TSPEAR: variants seen among roughly 807,000 people sequenced by gnomAD.
TSPEAR encodes the protein thrombospondin type laminin G domain and EAR repeats.
In TSPEAR, 69 loss-of-function variants were observed where a neutral mutation model predicts 71.6. The observed-to-expected ratio is 0.96, with a 90% CI of 0.79 to 1.18. The LOEUF is 1.18. TSPEAR is among the 50% of genes most tolerant of loss of function. The pLI is 0.00. For missense variants in TSPEAR, 971 were observed against 894.9 expected (o/e 1.09, Z -1.09); for synonymous variants, 402 against 387.2 (o/e 1.04, Z -0.45).
intron 1 of TSPEAR, among the ~76,000 whole-genome samples, chr21:44,578,683 G>T (rs1555924288): frequency 6.6e-6 from 1 of 152,158 alleles, no homozygotes; most frequent in South Asian, 2.1e-4. Context: ...TGCAGGGAGG[G>T]TAACTGAAAA....
Position 44,528,488 on chromosome 21 carries a change from G to C in TSPEAR, c.886C>G (p.Leu296Val). The C allele has an allele frequency of 1.2e-6, 2 of 1,614,090 alleles. No individual in the cohort carries two copies. Among genetic ancestry groups the C allele is most frequent in the Non-Finnish European group, 8.5e-7 (1 of 1,180,010 alleles). Residue 296 changes from leucine (L) to valine (V), a missense_variant, in exon 6 of 12, where the codon CTG (leucine) becomes GTG (valine). Transcript: ENST00000323084. The stretch of plus-strand genomic sequence containing the variant: ...GAGACCCACTCGTTGCCAACACACA[G>C]ATACAGGCCCTTCCGGCTGGCATCA... Reference protein sequence around the residue: ...WFDASRKGLYLCVGNEWVSVL... With the variant: ...WFDASRKGLYVCVGNEWVSVL...
chr21:44,624,646 A>G (rs587646591), intron 1 of TSPEAR, among the ~76,000 whole-genome samples: 45 of 152,160 alleles, frequency 3.0e-4, no homozygotes, highest in Admixed American at 8.5e-4. Context: ...GTAATCCTTC[A>G]CTTATATTCA....
Position 44,642,105 on chromosome 21 carries a change from G to A in TSPEAR, c.82+69328C>T, listed in dbSNP as rs1318484882. ...TTTCCTGTTTCAGTATAAGAAAATA[G>A]TATGGGTATATTTATCCTAAAATTT... On this transcript the variant is annotated intron_variant, in intron 1 of 11. Coordinates refer to ENST00000323084, the MANE Select transcript of TSPEAR (RefSeq NM_144991.3). This position sits in a 1 kb window ranked among gnomAD's most constrained non-coding sequence, Gnocchi z 4.1. Among the ~76,000 whole-genome samples, 5 of 152,178 alleles carry A rather than the reference G, an allele frequency of 3.3e-5. No homozygotes were observed. The highest frequency in any genetic ancestry group is 7.3e-5 in the Non-Finnish European group (5 of 68,028).
At chr21:44,600,555 C>T (rs1477453183) in intron 1 of TSPEAR, 1 of 1,541,082 alleles carries the variant, frequency 6.5e-7, no homozygotes, top group Non-Finnish European at 8.8e-7. Flanking sequence ...GCACCTAACA[C>T]ACGGACTCAC....
intron 9 of TSPEAR, among the ~76,000 whole-genome samples, chr21:44,513,415 GGA>G (rs1237834192): frequency 6.6e-6 from 1 of 152,164 alleles, no homozygotes; most frequent in Admixed American, 6.5e-5. Context: ...GACTCATAGA[GGA>G]GAGAGAAAGA....
At chr21:44,533,362 C>T (rs890406815) in intron 3 of TSPEAR, among the ~76,000 whole-genome samples, 5 of 152,220 alleles carry the variant, frequency 3.3e-5, no homozygotes, top group Admixed American at 6.5e-5. Flanking sequence ...TGGTCAGCCC[C>T]TGCCTCATGA....
chr21:44,510,759 T>C (rs587661692), intron 9 of TSPEAR: 1 of 152,348 alleles, frequency 6.6e-6, no homozygotes, highest in African/African-American at 2.4e-5. Context: ...CCAGGCAAGG[T>C]CCCAAAGCAG....
rs918226611 is a variant in TSPEAR, at chr21:44,669,221, G to A, written c.82+42212C>T. 3.3e-5 allele frequency among the ~76,000 whole-genome samples: 5 copies of A among 152,108 alleles called. No homozygotes were observed. The East Asian group carries it at 7.7e-4, about 23-fold the overall frequency. Reference sequence around the variant, plus strand: ...GGCTGGATCATGAGGTCAAGAGATCGAGACCATCCTGGCTAACATGGTGCA... The same window carrying A: ...GGCTGGATCATGAGGTCAAGAGATCAAGACCATCCTGGCTAACATGGTGCA... On this transcript the variant is annotated intron_variant, in intron 1 of 11. Coordinates refer to ENST00000323084, the MANE Select transcript of TSPEAR (RefSeq NM_144991.3).
intron 2 of TSPEAR, chr21:44,551,207 G>C: frequency 6.3e-7 from 1 of 1,586,474 alleles, no homozygotes; most frequent in Non-Finnish European, 8.7e-7. Flanking sequence ...CCGGCTGGCA[G>C]CTAGACTGCT....
intron 10 of TSPEAR, 189 bp downstream of exon 10, chr21:44,509,010 T>TTCCCCAGGCCAGGAAAG: frequency 1.3e-6 from 2 of 1,495,266 alleles, no homozygotes; most frequent in Non-Finnish European, 1.8e-6. Flanking sequence ...CGGCACTGAC[T>TTCCCCAGGCCAGGAAAG]TCCCCAGGCC....
intron 4 of TSPEAR, 86 bp from the exon 5 acceptor site, chr21:44,530,040 G>A: frequency 7.3e-7 from 1 of 1,366,462 alleles, no homozygotes; most frequent in Non-Finnish European, 9.7e-7. Flanking sequence ...GGCCCATCCA[G>A]AGCCCGGAGG....
At chr21:44,704,060 G>A (rs573742441) in intron 1 of TSPEAR, among the ~76,000 whole-genome samples, 13 of 152,332 alleles carry the variant, frequency 8.5e-5, no homozygotes, top group African/African-American at 2.6e-4. Flanking sequence ...TGGGGCAGAT[G>A]CCCTCAATTG....
At chr21:44,603,840 A>C (rs17004684) in intron 1 of TSPEAR, among the ~76,000 whole-genome samples, 6,389 of 152,296 alleles carry the variant, frequency 0.042, 392 homozygotes, top group African/African-American at 0.14. Context: ...AAAATGCAAA[A>C]GGCACAAATC....
intron 1 of TSPEAR, chr21:44,702,423 C>G: frequency 6.6e-7 from 1 of 1,509,836 alleles, no homozygotes; most frequent in Non-Finnish European, 8.9e-7. Context: ...AGCAGTCTAG[C>G]TGCCAGCCAG....
intron 1 of TSPEAR, chr21:44,647,264 G>T: frequency 6.2e-7 from 1 of 1,602,058 alleles, no homozygotes. Flanking sequence ...AGCTGCTGCC[G>T]CCCGGCCTCC....
At chr21:44,536,722 A>G (rs1167414352) in intron 2 of TSPEAR, among the ~76,000 whole-genome samples, 2 of 152,234 alleles carry the variant, frequency 1.3e-5, no homozygotes, top group Non-Finnish European at 2.9e-5. Context: ...GGAGTTTTAA[A>G]GATTGGAAAT....
intron 1 of TSPEAR, among the ~76,000 whole-genome samples, chr21:44,689,211 T>C (rs1986998118): frequency 6.6e-6 from 1 of 151,954 alleles, no homozygotes; most frequent in Non-Finnish European, 1.5e-5. Context: ...ACTTAAAAAA[T>C]CCTAAATACG....
intron 1 of TSPEAR, among the ~76,000 whole-genome samples, chr21:44,585,318 C>T (rs896549085): frequency 3.3e-5 from 5 of 152,228 alleles, no homozygotes; most frequent in Non-Finnish European, 7.3e-5. Context: ...AGCTTTTCCT[C>T]TTTCCAGAAC....
chr21:44,668,306 C>T (rs782533346), intron 1 of TSPEAR, among the ~76,000 whole-genome samples: 25 of 152,116 alleles, frequency 1.6e-4, no homozygotes, highest in Non-Finnish European at 2.9e-4. Context: ...ATTTACAATA[C>T]ATTAAAAAGA....
Sources: allele counts gnomAD v4.1 joint callset (sites outside exome capture counted in the v4.1 genomes callset), GRCh38; gene constraint gnomAD v4.1.1; non-coding constraint Gnocchi (gnomAD v3.1); transcripts MANE v1.5; gene names NCBI Gene and HGNC (gene_info 2026-07-23, HGNC 2026-07-21).